TSGA10: variants seen among roughly 807,000 people sequenced by gnomAD.
TSGA10 encodes the protein testis specific 10.
A neutral mutation model predicts 96.6 loss-of-function variants in TSGA10; 43 were observed. The observed-to-expected ratio is 0.44, with a 90% CI of 0.35 to 0.57. The LOEUF (loss-of-function observed/expected upper bound fraction) is 0.57, where lower values mean the gene tolerates loss of function less well. Ranked by LOEUF, TSGA10 falls within the 20% of genes least tolerant of loss-of-function variation. TSGA10 has a pLI of 0.01. For missense variants in TSGA10, 703 were observed against 834.4 expected, an observed-to-expected ratio of 0.84 and a Z score of 1.94; for synonymous variants, 229 against 269.9, an observed-to-expected ratio of 0.85 and a Z score of 1.48.
intron 17 of TSGA10, among the ~76,000 whole-genome samples, chr2:99,034,375 C>G (rs570535812): frequency 6.6e-6 from 1 of 152,186 alleles, no homozygotes; most frequent in Admixed American, 6.5e-5. Flanking sequence ...GCACTCCAGC[C>G]TGGCGACAGA....
intron 18 of TSGA10, among the ~76,000 whole-genome samples, chr2:99,019,755 C>A (rs1422809459): frequency 5.3e-5 from 8 of 152,154 alleles, no homozygotes; most frequent in Non-Finnish European, 7.4e-5. Flanking sequence ...CCACCCAATT[C>A]TCCAGCCAAA....
At chr2:99,146,920 C>T (rs1160711357) in intron 1 of TSGA10, 1 of 152,416 alleles carries the variant, frequency 6.6e-6, no homozygotes, top group East Asian at 1.9e-4. Context: ...AGCCACCGCG[C>T]CCAGCCTACT....
chr2:99,139,205 A>G lies in TSGA10; in HGVS notation c.-620-12029T>C, dbSNP rs144898043. On this transcript the variant is annotated intron_variant, in intron 1 of 20. Coordinates refer to ENST00000393483, the MANE Select transcript of TSGA10 (RefSeq NM_025244.4). ...TTGAGCCCGGGAGGTCAAGGCTGCA[A>G]TGAGTCATGATCGCACCACTGCACT... Among the ~76,000 whole-genome samples, 13 of 152,224 alleles carry G rather than the reference A, an allele frequency of 8.5e-5. 1 individual carries two copies. The East Asian group carries it at 2.5e-3, about 29-fold the overall frequency.
rs142283708 is a variant in TSGA10 at position 99,052,853 on chromosome 2, G to T, written c.1404+12086C>A. Among the ~76,000 whole-genome samples the T allele has an allele frequency of 4.1e-3, 630 of 152,174 alleles. 19 individuals carry two copies. The East Asian group carries it at 0.081, about 19-fold the overall frequency. On this transcript the variant is annotated intron_variant, in intron 16 of 20. Transcript: ENST00000393483. ...GAAGGCTGAGGCAGGTGGATCACCT[G>T]AGCTCAGGAGTTCAGGACTAGCCTG...
At chr2:99,082,183 G>C (rs2087609252) in intron 10 of TSGA10, among the ~76,000 whole-genome samples, 1 of 152,358 alleles carries the variant, frequency 6.6e-6, no homozygotes, top group African/African-American at 2.4e-5. Context: ...TGCTCAAAAA[G>C]ATAACAACAT....
chr2:99,070,960 C>A (rs1007749881), intron 14 of TSGA10, among the ~76,000 whole-genome samples: 30 of 152,074 alleles, frequency 2.0e-4, no homozygotes, highest in Non-Finnish European at 1.5e-5. Context: ...ATTCCAGGAT[C>A]CCATTATTCA....
intron 16 of TSGA10, among the ~76,000 whole-genome samples, chr2:99,043,626 C>T (rs1202519948): frequency 6.6e-6 from 1 of 152,086 alleles, no homozygotes; most frequent in African/African-American, 2.4e-5. Flanking sequence ...ATCTTGAAAG[C>T]AGCAAGGGAA....
chr2:99,033,273 T>C (rs2081306071), intron 17 of TSGA10, among the ~76,000 whole-genome samples: 1 of 152,240 alleles, frequency 6.6e-6, no homozygotes, highest in Non-Finnish European at 1.5e-5. Context: ...CCTTAACTCA[T>C]GTCTGTTCGC....
intron 1 of TSGA10, 86 bp from the exon 2 acceptor site, chr2:99,127,262 A>G: frequency 9.6e-7 from 1 of 1,042,862 alleles, no homozygotes. Context: ...TTGAAAATTG[A>G]TAATATTCTT....
chr2:99,114,848 G>C (rs995034202), intron 4 of TSGA10, among the ~76,000 whole-genome samples: 1 of 152,056 alleles, frequency 6.6e-6, no homozygotes, highest in Non-Finnish European at 1.5e-5. Flanking sequence ...CAGTCAACTT[G>C]GTTTCCCGCA....
Position 99,109,500 on chromosome 2 carries a change from A to G in TSGA10, c.-61T>C. ...CTTTGTCTGCTTCCAAAGTCTTGAC[A>G]AAGGAATCAAGTCTAGAAGGAGATT... On this transcript the variant is annotated 5_prime_UTR_variant, in exon 6 of 21. Coordinates refer to ENST00000393483, the MANE Select transcript of TSGA10 (RefSeq NM_025244.4). The G allele has an allele frequency of 6.3e-7, 1 of 1,596,712 alleles. No homozygotes were observed. Among genetic ancestry groups the G allele is most frequent in the Admixed American group, 1.7e-5 (1 of 59,564 alleles).
At chr2:99,141,041 T>C (rs1230969204) in intron 1 of TSGA10, 1 of 1,246,762 alleles carries the variant, frequency 8.0e-7, no homozygotes, top group Non-Finnish European at 1.0e-6. Flanking sequence ...TCCAGTCCAG[T>C]AGCAGCACTC....
At chr2:99,101,940 C>T (rs376962534) in intron 10 of TSGA10, 55 of 700,702 alleles carry the variant, frequency 7.8e-5, no homozygotes, top group African/African-American at 5.7e-4. Context: ...TTGTGCAACA[C>T]GAAAAACTCT....
intron 12 of TSGA10, among the ~76,000 whole-genome samples, chr2:99,076,042 A>G (rs1276920221): frequency 6.6e-6 from 1 of 152,154 alleles, no homozygotes; most frequent in African/African-American, 2.4e-5. Context: ...AAATCTATTA[A>G]CTTTAATTAA....
chr2:99,152,910 T>C (rs1456114999), intron 1 of TSGA10, among the ~76,000 whole-genome samples: 2 of 152,222 alleles, frequency 1.3e-5, no homozygotes, highest in African/African-American at 2.4e-5. Flanking sequence ...GTTGTATCTA[T>C]GGAACTAAAA....
intron 16 of TSGA10, among the ~76,000 whole-genome samples, chr2:99,062,508 G>A (rs1014961433): frequency 6.6e-5 from 10 of 152,156 alleles, no homozygotes; most frequent in Non-Finnish European, 1.5e-4. Context: ...GGTTGAGGTG[G>A]GAGGATCACT....
intron 15 of TSGA10, 35 bp from the exon 16 acceptor site, chr2:99,065,159 C>T (rs1274212308): frequency 1.3e-6 from 2 of 1,592,026 alleles, no homozygotes; most frequent in Non-Finnish European, 1.7e-6. Flanking sequence ...CTTTAAAATG[C>T]TGAACATATG....
At chr2:99,141,759 T>C (rs1421153796) in intron 1 of TSGA10, 2 of 152,830 alleles carry the variant, frequency 1.3e-5, no homozygotes, top group Admixed American at 6.5e-5. Flanking sequence ...TTCGCGGCGG[T>C]GGCTTTGTGC....
chr2:99,131,122 T>C (rs551152500), intron 1 of TSGA10, among the ~76,000 whole-genome samples: 6 of 152,294 alleles, frequency 3.9e-5, no homozygotes, highest in Non-Finnish European at 7.4e-5. Context: ...ATATGGGGTC[T>C]TTTTTGGTTC....
Sources: allele counts gnomAD v4.1 joint callset (sites outside exome capture counted in the v4.1 genomes callset), GRCh38; gene constraint gnomAD v4.1.1; transcripts MANE v1.5; gene names NCBI Gene and HGNC (gene_info 2026-07-23, HGNC 2026-07-21).